The following PEX5L variants were observed in gnomAD, a reference collection of about 807,000 sequenced individuals.
PEX5L encodes peroxisomal biogenesis factor 5 like.
In PEX5L, 30 loss-of-function variants were observed where a neutral mutation model predicts 84.0. The ratio of observed to expected loss-of-function variants is 0.36; its 90% CI spans 0.27 to 0.48. The LOEUF (loss-of-function observed/expected upper bound fraction) is 0.48, where lower values mean the gene tolerates loss of function less well. PEX5L is among the 20% of genes least tolerant of loss of function. The pLI is 0.99. For synonymous variants in PEX5L, 270 were observed against 283.1 expected, an observed-to-expected ratio of 0.95 and a Z score of 0.46; for missense variants, 533 against 754.6, an observed-to-expected ratio of 0.71 and a Z score of 3.44.
At chr3:179,919,766 G>T (rs1224552464) in intron 2 of PEX5L, among the ~76,000 whole-genome samples, 2 of 152,100 alleles carry the variant, frequency 1.3e-5, no homozygotes, top group Non-Finnish European at 2.9e-5. Context: ...GCAGTGGCGC[G>T]ATCTCAGCTC....
intron 1 of PEX5L, among the ~76,000 whole-genome samples, chr3:179,996,590 G>A: frequency 6.6e-6 from 1 of 152,120 alleles, no homozygotes; most frequent in East Asian, 1.9e-4. Context: ...AGCTAGGAGG[G>A]TCCAGAAGAT....
chr3:179,996,468 G>A (rs1014431383), intron 1 of PEX5L, among the ~76,000 whole-genome samples: 99 of 152,146 alleles, frequency 6.5e-4, no homozygotes, highest in Admixed American at 6.2e-3. Context: ...GGCCCACTGC[G>A]AGTGAGCTGG....
At chr3:179,869,862 A>T (rs1749670610) in intron 7 of PEX5L, among the ~76,000 whole-genome samples, 1 of 152,246 alleles carries the variant, frequency 6.6e-6, no homozygotes, top group South Asian at 2.1e-4. Context: ...AGCCTTCCCA[A>T]TATGGCTTTT....
chr3:179,883,521 T>A (rs898795752), intron 4 of PEX5L, among the ~76,000 whole-genome samples: 6 of 152,262 alleles, frequency 3.9e-5, no homozygotes, highest in Admixed American at 2.6e-4. Context: ...CAGTGGCTCA[T>A]GCCTGTAATC....
intron 1 of PEX5L, among the ~76,000 whole-genome samples, chr3:179,995,448 C>T (rs1787799343): frequency 6.6e-6 from 1 of 151,988 alleles, no homozygotes; most frequent in Non-Finnish European, 1.5e-5. Flanking sequence ...ATGGAGAACA[C>T]TGATAGTCCT....
intron 2 of PEX5L, among the ~76,000 whole-genome samples, chr3:179,940,589 A>T (rs1236592051): frequency 6.6e-6 from 1 of 152,140 alleles, no homozygotes; most frequent in East Asian, 1.9e-4. Context: ...AGAGAGAACC[A>T]TGTGGGGCTC....
At chr3:179,836,823 A>G (rs1735136251) in intron 8 of PEX5L, among the ~76,000 whole-genome samples, 1 of 152,144 alleles carries the variant, frequency 6.6e-6, no homozygotes, top group African/African-American at 2.4e-5. Flanking sequence ...GCCTTGAGAG[A>G]TTTTGAAAAG....
At chr3:180,023,618 T>A (rs1166674902) in intron 1 of PEX5L, among the ~76,000 whole-genome samples, 1 of 152,144 alleles carries the variant, frequency 6.6e-6, no homozygotes, top group Non-Finnish European at 1.5e-5. Context: ...AATAGAATCC[T>A]AGAGCTGGAA....
chr3:179,960,409 T>TGACAATG (rs1219556589), intron 2 of PEX5L, among the ~76,000 whole-genome samples: 2 of 152,156 alleles, frequency 1.3e-5, no homozygotes, highest in Non-Finnish European at 2.9e-5. Context: ...AGGGGCTGGA[T>TGACAATG]GACAATGGAC....
chr3:179,929,979 A>C (rs1025562181), intron 2 of PEX5L, among the ~76,000 whole-genome samples: 1 of 152,096 alleles, frequency 6.6e-6, no homozygotes, highest in Non-Finnish European at 1.5e-5. Flanking sequence ...TTTATGTCTG[A>C]GTTGCCAAGC....
chr3:180,000,574 A>C (rs1788306094), intron 1 of PEX5L, among the ~76,000 whole-genome samples: 1 of 152,326 alleles, frequency 6.6e-6, no homozygotes, highest in East Asian at 1.9e-4. Flanking sequence ...GTAGTCATCA[A>C]TACCAGCTAT....
At chr3:179,824,119 A>G (rs1175843046) in intron 8 of PEX5L, among the ~76,000 whole-genome samples, 1 of 152,230 alleles carries the variant, frequency 6.6e-6, no homozygotes, top group East Asian at 1.9e-4. Flanking sequence ...TAGAACAGGA[A>G]AGTTTAAGGG....
At chr3:179,923,648 C>T (rs1770528763) in intron 2 of PEX5L, among the ~76,000 whole-genome samples, 1 of 152,168 alleles carries the variant, frequency 6.6e-6, no homozygotes, top group African/African-American at 2.4e-5. Context: ...TTTGAAATCA[C>T]ACAGATCAAA....
intron 2 of PEX5L, among the ~76,000 whole-genome samples, chr3:179,911,070 A>G (rs565818077): frequency 6.6e-5 from 10 of 152,308 alleles, no homozygotes; most frequent in African/African-American, 2.4e-4. Flanking sequence ...CACTCCAGAC[A>G]GAAAAATTCC....
chr3:179,970,435 A>G (rs1462661340), intron 2 of PEX5L, among the ~76,000 whole-genome samples: 1 of 152,036 alleles, frequency 6.6e-6, no homozygotes, highest in African/African-American at 2.4e-5. Flanking sequence ...ATAACTTGGC[A>G]CTCCACACAT....
chr3:179,909,434 G>T (rs1764405107), intron 2 of PEX5L, among the ~76,000 whole-genome samples: 1 of 152,206 alleles, frequency 6.6e-6, no homozygotes, highest in African/African-American at 2.4e-5. Context: ...CTGTAGCCAA[G>T]TTGAGATGAC....
intron 2 of PEX5L, among the ~76,000 whole-genome samples, chr3:179,950,846 G>C (rs1778896191): frequency 6.6e-6 from 1 of 152,222 alleles, no homozygotes; most frequent in African/African-American, 2.4e-5. Context: ...ATGAGGAAAG[G>C]CTGAGAGGAA....
intron 2 of PEX5L, among the ~76,000 whole-genome samples, chr3:179,903,783 T>C (rs747108921): frequency 3.3e-5 from 5 of 152,206 alleles, no homozygotes; most frequent in African/African-American, 9.7e-5. Context: ...TGTGCTCCTG[T>C]AGATTTCTTC....
chr3:179,840,999 T>C (rs892149971), intron 8 of PEX5L, among the ~76,000 whole-genome samples: 15 of 152,102 alleles, frequency 9.9e-5, no homozygotes, highest in African/African-American at 3.6e-4. Context: ...TTTAAATCTA[T>C]GAGACTGAAA....
Sources: allele counts gnomAD v4.1 joint callset (sites outside exome capture counted in the v4.1 genomes callset), GRCh38; gene constraint gnomAD v4.1.1; transcripts MANE v1.5; gene names NCBI Gene and HGNC (gene_info 2026-07-23, HGNC 2026-07-21).